The following COG5 variants were observed in gnomAD, a reference collection of about 807,000 sequenced individuals.
COG5 encodes component of oligomeric golgi complex 5.
In COG5, 86 loss-of-function variants were observed where a neutral mutation model predicts 110.4. That is an observed-to-expected ratio of 0.78 (90% CI 0.65 to 0.93). COG5 has a LOEUF of 0.93. COG5 is among the 40% of genes least tolerant of loss of function. The probability of loss-of-function intolerance (pLI) is 0.00; values close to 1 mark genes in which losing one functional copy is unlikely to be tolerated. For missense variants in COG5, 1,077 were observed against 987.0 expected, an observed-to-expected ratio of 1.09 and a Z score of -1.22; for synonymous variants, 360 against 334.6, an observed-to-expected ratio of 1.08 and a Z score of -0.83.
chr7:107,320,161 C>A (rs749607643), intron 11 of COG5, among the ~76,000 whole-genome samples: 5 of 152,044 alleles, frequency 3.3e-5, no homozygotes, highest in African/African-American at 4.8e-5. Flanking sequence ...TGTGTCAACA[C>A]TGAAAAATTG....
chr7:107,461,774 A>G (rs1394324912), intron 6 of COG5, among the ~76,000 whole-genome samples: 1 of 152,240 alleles, frequency 6.6e-6, no homozygotes, highest in Non-Finnish European at 1.5e-5. Context: ...AAATTTTAAA[A>G]TATTGTTTGT....
intron 7 of COG5, among the ~76,000 whole-genome samples, chr7:107,390,997 T>C (rs374916178): frequency 6.6e-6 from 1 of 151,902 alleles, no homozygotes; most frequent in Admixed American, 6.6e-5. Context: ...GTAATTAACA[T>C]AGGAATGTAA....
chr7:107,231,932 T>C (rs1324706647), intron 18 of COG5, among the ~76,000 whole-genome samples: 1 of 152,206 alleles, frequency 6.6e-6, no homozygotes, highest in African/African-American at 2.4e-5. Context: ...TAAACACACA[T>C]ACATACACAC....
At chr7:107,302,742 T>C (rs1463768803) in intron 11 of COG5, among the ~76,000 whole-genome samples, 2 of 152,282 alleles carry the variant, frequency 1.3e-5, no homozygotes, top group South Asian at 2.1e-4. Flanking sequence ...TGCAGACAGA[T>C]AGCAGACTCA....
At chr7:107,481,097 C>T (rs1473921858) in intron 6 of COG5, among the ~76,000 whole-genome samples, 1 of 152,144 alleles carries the variant, frequency 6.6e-6, no homozygotes, top group Admixed American at 6.6e-5. Flanking sequence ...AACTCCCTGC[C>T]ACTATCAAAC....
intron 6 of COG5, among the ~76,000 whole-genome samples, chr7:107,467,661 T>C (rs1232220498): frequency 2.0e-5 from 3 of 152,128 alleles, no homozygotes; most frequent in Non-Finnish European, 2.9e-5. Flanking sequence ...CTGTAATTAA[T>C]TTTTTTCATG....
At chr7:107,252,119 G>C (rs893500579) in intron 16 of COG5, among the ~76,000 whole-genome samples, 1 of 152,038 alleles carries the variant, frequency 6.6e-6, no homozygotes, top group Non-Finnish European at 1.5e-5. Flanking sequence ...CACTTCAAAG[G>C]CTCAAGCAGA....
intron 5 of COG5, among the ~76,000 whole-genome samples, chr7:107,531,145 T>C (rs1219153525): frequency 6.6e-6 from 1 of 152,190 alleles, no homozygotes; most frequent in Non-Finnish European, 1.5e-5. Flanking sequence ...TCATTGCAAT[T>C]TGTTGAATAT....
intron 10 of COG5, among the ~76,000 whole-genome samples, chr7:107,350,357 C>A (rs921600906): frequency 6.6e-6 from 1 of 152,016 alleles, no homozygotes; most frequent in South Asian, 2.1e-4. Context: ...TCTTTTATTT[C>A]GACAACTTGA....
intron 6 of COG5, among the ~76,000 whole-genome samples, chr7:107,493,557 T>C (rs970303118): frequency 1.3e-5 from 2 of 152,160 alleles, no homozygotes; most frequent in Non-Finnish European, 2.9e-5. Context: ...TATTTATAAT[T>C]TTAGACTCCT....
At chr7:107,408,452 G>C (rs1455992710) in intron 7 of COG5, among the ~76,000 whole-genome samples, 2 of 152,164 alleles carry the variant, frequency 1.3e-5, no homozygotes, top group African/African-American at 2.4e-5. Flanking sequence ...CTTTATGATG[G>C]TCTCATGGAA....
intron 6 of COG5, among the ~76,000 whole-genome samples, chr7:107,465,203 G>C (rs558276004): frequency 1.3e-5 from 2 of 152,078 alleles, no homozygotes; most frequent in Admixed American, 1.3e-4. Context: ...GCAGACAATT[G>C]TCTATATAGA....
intron 6 of COG5, among the ~76,000 whole-genome samples, chr7:107,490,773 T>TA (rs1237980658): frequency 6.6e-6 from 1 of 152,146 alleles, no homozygotes; most frequent in Non-Finnish European, 1.5e-5. Flanking sequence ...AACCAAGATC[T>TA]AAATGGTTTC....
In COG5 at chr7:107,291,341, G is replaced by A. The variant is rs144043629; in HGVS notation, c.1313+6801C>T. Among the ~76,000 whole-genome samples the A allele has an allele frequency of 3.9e-5, 6 of 152,256 alleles. No individual in the cohort carries two copies. The East Asian group carries it at 1.2e-3, about 29-fold the overall frequency. On this transcript the variant is annotated intron_variant, in intron 12 of 21. Transcript: ENST00000297135. ...CTCTGCCAGGTCAAAGCTATTCACA[G>A]AACTAAAGGAAGGCATGAGCCACCA...
At chr7:107,244,316 C>A (rs766093730) in intron 17 of COG5, among the ~76,000 whole-genome samples, 5 of 152,136 alleles carry the variant, frequency 3.3e-5, no homozygotes, top group Non-Finnish European at 5.9e-5. Flanking sequence ...ATCTCTGGGA[C>A]ACAGCTAAGG....
At chr7:107,205,059 A>G (rs185351964) in intron 21 of COG5, among the ~76,000 whole-genome samples, 4 of 152,264 alleles carry the variant, frequency 2.6e-5, no homozygotes, top group Admixed American at 2.0e-4. Context: ...AACCCTTGCT[A>G]TCTTGTGCCC....
chr7:107,209,859 A>C (rs1202554656), intron 21 of COG5: 1 of 985,574 alleles, frequency 1.0e-6, no homozygotes, highest in Non-Finnish European at 1.2e-6. Flanking sequence ...AAAGCTACAG[A>C]GTGGTAAGGT....
chr7:107,263,946 T>C (rs1308325822), intron 14 of COG5, among the ~76,000 whole-genome samples: 9 of 152,164 alleles, frequency 5.9e-5, no homozygotes, highest in African/African-American at 2.4e-5. Context: ...AAGGGATGAG[T>C]TGGATGACAA....
At chr7:107,273,926 T>C (rs916878957) in intron 14 of COG5, among the ~76,000 whole-genome samples, 2 of 152,200 alleles carry the variant, frequency 1.3e-5, no homozygotes, top group African/African-American at 4.8e-5. Flanking sequence ...GAAAATGTGA[T>C]AAGAGGTCAA....
Sources: gnomAD v4.1 joint callset for allele counts (sites outside exome capture counted in the v4.1 genomes callset) on GRCh38, gnomAD v4.1.1 for gene constraint, MANE v1.5 for transcripts, NCBI Gene and HGNC (gene_info 2026-07-23, HGNC 2026-07-21) for gene names.